CNTN4: variants seen among roughly 807,000 people sequenced by gnomAD.
CNTN4 encodes the protein contactin 4, also known as contactin-4.
A neutral mutation model predicts 122.5 loss-of-function variants in CNTN4; 77 were observed. That is an observed-to-expected ratio of 0.63 (90% CI 0.52 to 0.76). The LOEUF (loss-of-function observed/expected upper bound fraction) is 0.76. Among genes scored for constraint, CNTN4 ranks in the 30% least tolerant of loss-of-function variants. The probability of loss-of-function intolerance (pLI) is 0.00; values close to 1 mark genes in which losing one functional copy is unlikely to be tolerated. For missense variants in CNTN4, 1,256 were observed against 1,259.1 expected (o/e 1.00, Z 0.04); for synonymous variants, 512 against 447.0 (o/e 1.15, Z -1.83).
At chr3:2,246,115 T>TA (rs1180213151) in intron 2 of CNTN4, among the ~76,000 whole-genome samples, 1 of 151,982 alleles carries the variant, frequency 6.6e-6, no homozygotes, top group Non-Finnish European at 1.5e-5. Flanking sequence ...ATTTTAACCC[T>TA]ACATTCTCTG....
At chr3:2,102,921 C>CT (rs200757537) in intron 2 of CNTN4, among the ~76,000 whole-genome samples, 2,737 of 143,090 alleles carry the variant, frequency 0.019, 57 homozygotes, top group African/African-American at 0.048. Context: ...CTAACCCTTG[C>CT]TTTTTTTTTT....
chr3:2,842,234 G>A (rs1297600596), intron 7 of CNTN4, among the ~76,000 whole-genome samples: 2 of 152,154 alleles, frequency 1.3e-5, no homozygotes, highest in East Asian at 3.8e-4. Context: ...TGAAACAGAT[G>A]CTGCAATAAT....
intron 7 of CNTN4, among the ~76,000 whole-genome samples, chr3:2,838,392 A>G (rs2093277493): frequency 6.6e-6 from 1 of 152,154 alleles, no homozygotes; most frequent in South Asian, 2.1e-4. Context: ...CCTTTCACAT[A>G]TAGTCTACCA....
At chr3:2,379,646 C>G (rs1170738505) in intron 3 of CNTN4, among the ~76,000 whole-genome samples, 3 of 152,160 alleles carry the variant, frequency 2.0e-5, no homozygotes, top group Admixed American at 1.3e-4. Context: ...TGAAATTAGA[C>G]TGCAAGAATT....
intron 3 of CNTN4, among the ~76,000 whole-genome samples, chr3:2,500,950 GT>G (rs1305815120): frequency 2.0e-5 from 3 of 152,004 alleles, no homozygotes; most frequent in Non-Finnish European, 4.4e-5. Context: ...CCCGCACAAT[GT>G]ATAGATTGTT....
intron 3 of CNTN4, among the ~76,000 whole-genome samples, chr3:2,566,325 G>C (rs2079157230): frequency 6.6e-6 from 1 of 152,136 alleles, no homozygotes; most frequent in Non-Finnish European, 1.5e-5. Context: ...TTTAACCTTG[G>C]ACGAGTTTCA....
chr3:2,226,658 A>G (rs1254519048), intron 2 of CNTN4, among the ~76,000 whole-genome samples: 1 of 152,282 alleles, frequency 6.6e-6, no homozygotes, highest in Non-Finnish European at 1.5e-5. Context: ...TTTATCATGG[A>G]TAGGGCTATT....
intron 2 of CNTN4, among the ~76,000 whole-genome samples, chr3:2,193,563 T>G (rs1450085626): frequency 6.6e-6 from 1 of 152,180 alleles, no homozygotes; most frequent in Admixed American, 6.5e-5. Flanking sequence ...TGTACAGTGT[T>G]GTAAGGCATA....
chr3:2,862,257 C>A (rs572105994), intron 7 of CNTN4, among the ~76,000 whole-genome samples: 183 of 152,302 alleles, frequency 1.2e-3, no homozygotes, highest in South Asian at 8.9e-3. Flanking sequence ...TAAAGAGCAA[C>A]CATCCAGAGA....
chr3:2,367,151 A>G (rs2045422571), intron 3 of CNTN4, among the ~76,000 whole-genome samples: 1 of 152,158 alleles, frequency 6.6e-6, no homozygotes, highest in African/African-American at 2.4e-5. Context: ...TCTAGCATAA[A>G]CAACAAAATG....
intron 12 of CNTN4, among the ~76,000 whole-genome samples, chr3:2,914,256 G>T (rs1355760533): frequency 6.6e-6 from 1 of 151,904 alleles, no homozygotes; most frequent in Non-Finnish European, 1.5e-5. Context: ...ACTAGAAAAA[G>T]ATTTTAAAAA....
chr3:2,326,877 C>G (rs1054808922), intron 2 of CNTN4, among the ~76,000 whole-genome samples: 1 of 152,186 alleles, frequency 6.6e-6, no homozygotes, highest in Non-Finnish European at 1.5e-5. Context: ...TTTGAGCCAG[C>G]CTTTTTCTAA....
At chr3:2,338,133 G>A (rs2044031998) in intron 2 of CNTN4, among the ~76,000 whole-genome samples, 1 of 151,856 alleles carries the variant, frequency 6.6e-6, no homozygotes, top group African/African-American at 2.4e-5. Flanking sequence ...TTGTTTTAGG[G>A]GTATATGAGA....
intron 3 of CNTN4, among the ~76,000 whole-genome samples, chr3:2,379,522 G>T (rs1051469705): frequency 1.3e-5 from 2 of 151,994 alleles, no homozygotes; most frequent in African/African-American, 2.4e-5. Context: ...GGCCTCTTTT[G>T]TCTTTTTTAT....
At chr3:3,009,437 A>G (rs977274750) in intron 14 of CNTN4, among the ~76,000 whole-genome samples, 3 of 149,018 alleles carry the variant, frequency 2.0e-5, no homozygotes, top group African/African-American at 7.5e-5. Context: ...TAATGACAGA[A>G]TTTCTTTTTT....
chr3:2,487,081 G>A (rs1421569785), intron 3 of CNTN4, among the ~76,000 whole-genome samples: 4 of 152,006 alleles, frequency 2.6e-5, no homozygotes, highest in Non-Finnish European at 2.9e-5. Context: ...AGCTTTTGAG[G>A]CATCACTAGG....
chr3:2,452,944 C>G (rs57815288), intron 3 of CNTN4, among the ~76,000 whole-genome samples: 2,164 of 152,090 alleles, frequency 0.014, 45 homozygotes, highest in African/African-American at 0.049. Context: ...TACTGGCCTT[C>G]ATTATTGCAA....
At chr3:2,701,366 G>A (rs995420136) in intron 4 of CNTN4, among the ~76,000 whole-genome samples, 6 of 152,182 alleles carry the variant, frequency 3.9e-5, no homozygotes, top group African/African-American at 1.4e-4. Context: ...TAGAGCAGGA[G>A]ATGAAGCAAA....
intron 4 of CNTN4, among the ~76,000 whole-genome samples, chr3:2,629,922 T>G (rs1258165348): frequency 6.6e-6 from 1 of 152,166 alleles, no homozygotes; most frequent in Non-Finnish European, 1.5e-5. Flanking sequence ...TCTCTATGTT[T>G]CTCGTTAATA....
Sources: gnomAD v4.1 joint callset for allele counts (sites outside exome capture counted in the v4.1 genomes callset) on GRCh38, gnomAD v4.1.1 for gene constraint, MANE v1.5 for transcripts, NCBI Gene and HGNC (gene_info 2026-07-23, HGNC 2026-07-21) for gene names.